Variants in BCAT1 observed in about 807,000 individuals in gnomAD.
BCAT1 encodes branched chain amino acid transaminase 1.
In BCAT1, 48 loss-of-function variants were observed where a neutral mutation model predicts 52.4. The ratio of observed to expected loss-of-function variants is 0.92; its 90% CI spans 0.73 to 1.16. The LOEUF (loss-of-function observed/expected upper bound fraction) is 1.16, where lower values mean the gene tolerates loss of function less well. Ranked by LOEUF, BCAT1 falls within the 50% of genes most tolerant of loss-of-function variation. BCAT1 has a pLI of 0.00. For missense variants in BCAT1, 451 were observed against 457.1 expected, an observed-to-expected ratio of 0.99 and a Z score of 0.12; for synonymous variants, 167 against 161.3, an observed-to-expected ratio of 1.04 and a Z score of -0.27.
intron 1 of BCAT1, among the ~76,000 whole-genome samples, chr12:24,928,446 C>G (rs184012161): frequency 5.3e-5 from 8 of 152,008 alleles, no homozygotes; most frequent in Admixed American, 5.2e-4. Context: ...TGAGACCAGC[C>G]TGGGCAAAAG....
chr12:24,929,428 G>T (rs1433270925), intron 1 of BCAT1, among the ~76,000 whole-genome samples: 2 of 152,172 alleles, frequency 1.3e-5, no homozygotes, highest in African/African-American at 4.8e-5. Flanking sequence ...ATCAGGATAT[G>T]CTTATTTGAT....
In BCAT1 at chr12:24,894,388, G is replaced by A; in HGVS notation, c.166C>T (p.His56Tyr). 1 of 1,613,692 alleles carries A rather than the reference G, an allele frequency of 6.2e-7. No individual in the cohort carries two copies. Among genetic ancestry groups the A allele is most frequent in the Non-Finnish European group, 8.5e-7 (1 of 1,179,746 alleles). ...NLVFGTVFTDHMLTVEWSSEF... is the reference protein window; with the variant it reads ...NLVFGTVFTDYMLTVEWSSEF... The stretch of plus-strand genomic sequence containing the variant: ...GAGGACCACTCCACCGTCAGCATAT[G>A]ATCCGTGAACACAGTTCCAAAAACC... The change falls in exon 3 of 11, where the codon CAT (histidine) becomes TAT (tyrosine). Residue 56 changes from histidine to tyrosine, a missense_variant. Coordinates refer to ENST00000261192, the MANE Select transcript of BCAT1 (RefSeq NM_005504.7).
rs747252451 is a variant in BCAT1 at position 24,907,864 on chromosome 12, G to A, written c.7-5979C>T. On this transcript the variant is annotated intron_variant, in intron 1 of 10. Transcript: ENST00000261192. ...CTGACTCTCTTTTCAGACTCGGCCC[G>A]CCTGTACCCAGGTGATTAAAAAGCT... Among the ~76,000 whole-genome samples the A allele has an allele frequency of 2.0e-4, 31 of 152,086 alleles. 1 individual carries two copies. Among genetic ancestry groups the A allele is most frequent in the South Asian group, 8.3e-4 (4 of 4,816 alleles).
chr12:24,942,239 G>A (rs537623208), intron 1 of BCAT1, among the ~76,000 whole-genome samples: 3 of 152,122 alleles, frequency 2.0e-5, no homozygotes, highest in Non-Finnish European at 4.4e-5. Context: ...TGAATATGTG[G>A]AATAAGAGAA....
Position 24,815,702 on chromosome 12 carries a change from T to C in BCAT1, c.*2306A>G, listed in dbSNP as rs1334742410. ...GAGACCTCCAGTTTTTAAACATCTATCCTTAGTTTTCACTGGGTCTGATGA... is the reference window on the plus strand; with the variant it reads ...GAGACCTCCAGTTTTTAAACATCTACCCTTAGTTTTCACTGGGTCTGATGA... On this transcript the variant is annotated 3_prime_UTR_variant, in exon 11 of 11. Coordinates refer to ENST00000261192, the MANE Select transcript of BCAT1 (RefSeq NM_005504.7). 6.6e-6 allele frequency: 1 copy of C among 152,210 alleles called. No homozygotes were observed. The highest frequency in any genetic ancestry group is 1.5e-5 in the Non-Finnish European group (1 of 68,028). The allele number at this position is 152,210 out of a possible 1,614,324, so 9.4% of individuals were successfully genotyped here.
In BCAT1 at chr12:24,948,843, T is replaced by C. The variant is rs1943976233; in HGVS notation, c.6+84A>G. 34 of 1,482,602 alleles carry C rather than the reference T, an allele frequency of 2.3e-5. 1 individual carries two copies. In the South Asian group the frequency reaches 4.0e-4, roughly 18 times the overall value. The allele number at this position is 1,482,602 out of a possible 1,614,324, so 91.8% of individuals were successfully genotyped here. The stretch of plus-strand genomic sequence containing the variant: ...GGTTGTCTCGCCTTCCTCCCCTCCC[T>C]GCCAACTATGTTTCTTGGAGAAATC... On this transcript the variant is annotated intron_variant, in intron 1 of 10. Coordinates refer to ENST00000261192, the MANE Select transcript of BCAT1 (RefSeq NM_005504.7).
chr12:24,887,374 C>G (rs1050282449), intron 3 of BCAT1, among the ~76,000 whole-genome samples: 1 of 151,938 alleles, frequency 6.6e-6, no homozygotes, highest in Admixed American at 6.6e-5. Context: ...TTACATAATA[C>G]TAAGCTCAAA....
chr12:24,836,643 C>A (rs1940937482), intron 7 of BCAT1, 47 bp from the exon 8 acceptor site: 1 of 1,466,170 alleles, frequency 6.8e-7, no homozygotes, highest in South Asian at 1.2e-5. Flanking sequence ...CTACATTAGG[C>A]ATGCCTTATT....
At chr12:24,823,748 C>T (rs951117846) in intron 10 of BCAT1, among the ~76,000 whole-genome samples, 13 of 152,180 alleles carry the variant, frequency 8.5e-5, no homozygotes, top group African/African-American at 3.1e-4. Flanking sequence ...CCTTTGCCTT[C>T]CGCCATGACT....
intron 6 of BCAT1, among the ~76,000 whole-genome samples, chr12:24,845,303 T>C (rs964482639): frequency 6.6e-6 from 1 of 150,866 alleles, no homozygotes; most frequent in Non-Finnish European, 1.5e-5. Context: ...TTGGTCAATG[T>C]GGAGATGAAG....
rs549309514 is a variant in BCAT1, at chr12:24,829,553, A to G, written c.1119+270T>C. 3.3e-5 allele frequency among the ~76,000 whole-genome samples: 5 copies of G among 152,306 alleles called. No individual in the cohort carries two copies. The South Asian group carries it at 6.2e-4, about 19-fold the overall frequency. On this transcript the variant is annotated intron_variant, in intron 10 of 10. Transcript: ENST00000261192. ...AGATTTTTAAATGTTACCAAAAATT[A>G]CATCTATTTTTTAATGTTAAGTAAT...
chr12:24,861,551 T>C (rs1489313276), intron 5 of BCAT1, among the ~76,000 whole-genome samples: 1 of 152,206 alleles, frequency 6.6e-6, no homozygotes, highest in Non-Finnish European at 1.5e-5. Flanking sequence ...ACTGAGCTCC[T>C]CTCTACCCTG....
chr12:24,903,009 G>A (rs74528004), intron 1 of BCAT1: 30,401 of 1,442,038 alleles, frequency 0.021, 366 homozygotes, highest in Middle Eastern at 0.037. Context: ...CGGGGACGCG[G>A]GGCTGCAGAG....
At chr12:24,872,530 C>T (rs1465210248) in intron 5 of BCAT1, among the ~76,000 whole-genome samples, 1 of 152,224 alleles carries the variant, frequency 6.6e-6, no homozygotes, top group Non-Finnish European at 1.5e-5. Flanking sequence ...TAACTAAATG[C>T]AGACAGCTTC....
chr12:24,902,811 G>C lies in BCAT1; in HGVS notation c.7-926C>G, dbSNP rs1374790165. On this transcript the variant is annotated intron_variant, in intron 1 of 10. Coordinates refer to ENST00000261192, the MANE Select transcript of BCAT1 (RefSeq NM_005504.7). ...GGATGCGGGGAAGGGAAGACGCCTC[G>C]CTGGAGGCGGAATGGAGGGCAAGGC... The C allele has an allele frequency of 2.4e-6, 3 of 1,269,416 alleles. No individual in the cohort carries two copies. In the East Asian group the frequency reaches 9.0e-5, roughly 38 times the overall value. 78.6% of individuals were successfully genotyped at this position (1,269,416 alleles called of 1,614,324 possible). A position where few individuals can be genotyped will look rare whatever the true frequency, so the allele number is the denominator to read the frequency against.
intron 1 of BCAT1, chr12:24,902,298 A>G: frequency 7.7e-7 from 1 of 1,298,506 alleles, no homozygotes; most frequent in Non-Finnish European, 9.8e-7. Flanking sequence ...TGTCAATCAC[A>G]GACGCACAAT....
chr12:24,934,624 G>T (rs1003109405), intron 1 of BCAT1, among the ~76,000 whole-genome samples: 5 of 152,118 alleles, frequency 3.3e-5, no homozygotes, highest in African/African-American at 9.7e-5. Flanking sequence ...TGCGATCTTG[G>T]CTCACTGCAA....
At chr12:24,923,192 C>T (rs1943527718) in intron 1 of BCAT1, among the ~76,000 whole-genome samples, 1 of 152,166 alleles carries the variant, frequency 6.6e-6, no homozygotes, top group Admixed American at 6.5e-5. Context: ...TTTTAGGCAT[C>T]GTGAGCCATT....
At chr12:24,934,508 G>A (rs534520221) in intron 1 of BCAT1, among the ~76,000 whole-genome samples, 1 of 152,258 alleles carries the variant, frequency 6.6e-6, no homozygotes, top group African/African-American at 2.4e-5. Context: ...TGCATTATAA[G>A]AATCTCAGTT....
Sources: allele counts gnomAD v4.1 joint callset (sites outside exome capture counted in the v4.1 genomes callset), GRCh38; gene constraint gnomAD v4.1.1; transcripts MANE v1.5; gene names NCBI Gene and HGNC (gene_info 2026-07-23, HGNC 2026-07-21).